FRMD4A: variants seen among roughly 807,000 people sequenced by gnomAD.
FRMD4A encodes the protein FERM domain-containing protein 4A.
In FRMD4A, 29 loss-of-function variants were observed where a neutral mutation model predicts 129.1. The ratio of observed to expected loss-of-function variants is 0.22; its 90% CI spans 0.17 to 0.31. The LOEUF (loss-of-function observed/expected upper bound fraction) is 0.31, where lower values mean the gene tolerates loss of function less well. FRMD4A is among the 10% of genes least tolerant of loss of function. The pLI is 1.00. For synonymous variants in FRMD4A, 634 were observed against 571.6 expected, an observed-to-expected ratio of 1.11 and a Z score of -1.56; for missense variants, 1,272 against 1,375.8, an observed-to-expected ratio of 0.92 and a Z score of 1.19.
chr10:14,006,050 T>C (rs1047746371), intron 2 of FRMD4A, among the ~76,000 whole-genome samples: 8 of 152,156 alleles, frequency 5.3e-5, no homozygotes, highest in Non-Finnish European at 1.0e-4. Flanking sequence ...GCTCTCAGTG[T>C]TTGCCCTTAC....
chr10:14,215,411 A>G lies in FRMD4A; in HGVS notation c.45+114647T>C, dbSNP rs201388496. 5.9e-5 allele frequency among the ~76,000 whole-genome samples: 9 copies of G among 152,230 alleles called. No individual in the cohort carries two copies. In the East Asian group the frequency reaches 1.5e-3, roughly 26 times the overall value. Reference sequence around the variant, plus strand: ...AAGGTATTGTTAAAAAGTTAATTGAACACCCAAATATAATTATTAGGACTA... The same window carrying G: ...AAGGTATTGTTAAAAAGTTAATTGAGCACCCAAATATAATTATTAGGACTA... On this transcript the variant is annotated intron_variant, in intron 2 of 24. Transcript: ENST00000357447.
chr10:13,690,438 A>AG (rs2085573484), intron 15 of FRMD4A, among the ~76,000 whole-genome samples: 1 of 152,220 alleles, frequency 6.6e-6, no homozygotes, highest in Admixed American at 6.5e-5. Flanking sequence ...AACAAGATCT[A>AG]GGGGTGCTAG....
At chr10:14,092,607 A>G (rs540784213) in intron 2 of FRMD4A, among the ~76,000 whole-genome samples, 1 of 152,342 alleles carries the variant, frequency 6.6e-6, no homozygotes, top group African/African-American at 2.4e-5. Context: ...CATTGAGTAT[A>G]GACATCAGAG....
chr10:14,091,694 A>G (rs1836671064), intron 2 of FRMD4A, among the ~76,000 whole-genome samples: 1 of 152,170 alleles, frequency 6.6e-6, no homozygotes, highest in South Asian at 2.1e-4. Flanking sequence ...TGGCCTCCCA[A>G]AGTGCTGGGA....
chr10:14,278,084 C>T lies in FRMD4A; in HGVS notation c.45+51974G>A, dbSNP rs139550808. Among the ~76,000 whole-genome samples the T allele has an allele frequency of 2.8e-3, 420 of 152,246 alleles. 2 individuals are homozygous for T. Among genetic ancestry groups the T allele is most frequent in the African/African-American group, 8.9e-3 (370 of 41,546 alleles). On this transcript the variant is annotated intron_variant, in intron 2 of 24. Coordinates refer to ENST00000357447, the MANE Select transcript of FRMD4A (RefSeq NM_018027.5). ...TATCACTTTTCCCGACATTCTGGAC[C>T]GCTTTGGCAGGTTGGGGCTCTACAT...
intron 2 of FRMD4A, among the ~76,000 whole-genome samples, chr10:13,994,739 C>T (rs772975598): frequency 1.3e-5 from 2 of 152,124 alleles, no homozygotes; most frequent in African/African-American, 2.4e-5. Flanking sequence ...ATAAGAACAA[C>T]GCATACATAC....
At chr10:14,060,350 T>A (rs1404313964) in intron 2 of FRMD4A, among the ~76,000 whole-genome samples, 1 of 152,170 alleles carries the variant, frequency 6.6e-6, no homozygotes, top group Non-Finnish European at 1.5e-5. Flanking sequence ...ACTGAACACA[T>A]CCTTGTAGGG....
At chr10:13,909,380 C>T (rs1176768011) in intron 2 of FRMD4A, among the ~76,000 whole-genome samples, 1 of 152,190 alleles carries the variant, frequency 6.6e-6, no homozygotes, top group Non-Finnish European at 1.5e-5. Flanking sequence ...AGTAATTGAA[C>T]AAATTTCCGT....
chr10:13,790,355 G>C (rs2092970685), intron 5 of FRMD4A, among the ~76,000 whole-genome samples: 1 of 152,232 alleles, frequency 6.6e-6, no homozygotes, highest in Admixed American at 6.5e-5. Context: ...GCTCGGGAGA[G>C]AGGTCAGGAC....
chr10:13,667,980 A>C (rs2083200753), intron 17 of FRMD4A: 1 of 152,234 alleles, frequency 6.6e-6, no homozygotes, highest in Non-Finnish European at 1.5e-5. Context: ...TGTTTGCTAG[A>C]ATCAACAGAT....
chr10:14,242,023 G>A (rs879805269), intron 2 of FRMD4A, among the ~76,000 whole-genome samples: 6 of 152,124 alleles, frequency 3.9e-5, no homozygotes, highest in Non-Finnish European at 5.9e-5. Context: ...ATGCTCTAGT[G>A]GATATCAGCC....
intron 6 of FRMD4A, among the ~76,000 whole-genome samples, chr10:13,779,199 T>C (rs1192566103): frequency 1.3e-5 from 2 of 151,902 alleles, no homozygotes; most frequent in Non-Finnish European, 2.9e-5. Flanking sequence ...TGCCTATAAT[T>C]CCACCTGCTC....
chr10:13,715,857 G>A (rs546730991), intron 12 of FRMD4A, among the ~76,000 whole-genome samples: 4 of 145,800 alleles, frequency 2.7e-5, no homozygotes, highest in Non-Finnish European at 4.5e-5. Flanking sequence ...AGTGAGCAGA[G>A]ACGTGTCACT....
chr10:14,231,716 C>T (rs554857620), intron 2 of FRMD4A, among the ~76,000 whole-genome samples: 21 of 152,236 alleles, frequency 1.4e-4, no homozygotes, highest in Admixed American at 4.6e-4. Flanking sequence ...GTGTTGGCCA[C>T]GAGCATGTCT....
At chr10:13,728,573 C>CTTTTTTTGTTTTTTTTTT (rs1261105240) in intron 12 of FRMD4A, among the ~76,000 whole-genome samples, 1 of 78,372 alleles carries the variant, frequency 1.3e-5, no homozygotes, top group Non-Finnish European at 2.4e-5. Context: ...GATTACCATT[C>CTTTTTTTGTTTTTTTTTT]TTTTTTTTTT....
chr10:13,880,027 C>T (rs1020712971), intron 2 of FRMD4A, among the ~76,000 whole-genome samples: 5 of 151,946 alleles, frequency 3.3e-5, no homozygotes, highest in African/African-American at 1.2e-4. Context: ...AGTTCTGAAC[C>T]CTGGAGTTGG....
intron 15 of FRMD4A, among the ~76,000 whole-genome samples, chr10:13,683,858 C>A (rs895425514): frequency 2.0e-5 from 3 of 151,784 alleles, no homozygotes; most frequent in African/African-American, 7.3e-5. Context: ...GATTATAGTG[C>A]GCCACCATGC....
At chr10:14,060,118 G>A (rs370881292) in intron 2 of FRMD4A, among the ~76,000 whole-genome samples, 3 of 152,186 alleles carry the variant, frequency 2.0e-5, no homozygotes, top group Admixed American at 6.5e-5. Flanking sequence ...TGAGCCCGAC[G>A]TTAAATATTA....
chr10:14,264,631 A>G (rs1169953457), intron 2 of FRMD4A, among the ~76,000 whole-genome samples: 1 of 152,256 alleles, frequency 6.6e-6, no homozygotes, highest in African/African-American at 2.4e-5. Context: ...ACCCAAATAT[A>G]GGGAATTCCT....
Sources: gnomAD v4.1 joint callset for allele counts (sites outside exome capture counted in the v4.1 genomes callset) on GRCh38, gnomAD v4.1.1 for gene constraint, MANE v1.5 for transcripts, NCBI Gene and HGNC (gene_info 2026-07-23, HGNC 2026-07-21) for gene names.